Variants in WWC2 observed in about 807,000 individuals in gnomAD.
WWC2 encodes WW and C2 domain containing 2.
WWC2 carries 101 observed loss-of-function variants against 138.5 expected under a neutral mutation model. That is an observed-to-expected ratio of 0.73 (90% CI 0.62 to 0.86). The LOEUF (loss-of-function observed/expected upper bound fraction) is 0.86. WWC2 is among the 40% of genes least tolerant of loss of function. The pLI is 0.00. For missense variants in WWC2, 1,420 were observed against 1,419.4 expected, an observed-to-expected ratio of 1.00 and a Z score of -0.01; for synonymous variants, 558 against 538.4, an observed-to-expected ratio of 1.04 and a Z score of -0.50.
At chr4:183,299,618 A>G (rs1738757813) in intron 21 of WWC2, among the ~76,000 whole-genome samples, 1 of 152,168 alleles carries the variant, frequency 6.6e-6, no homozygotes, top group South Asian at 2.1e-4. Flanking sequence ...ACAGAAACTC[A>G]TGATCACCAC....
intron 1 of WWC2, among the ~76,000 whole-genome samples, chr4:183,188,768 C>T (rs1734896704): frequency 6.6e-6 from 1 of 151,674 alleles, no homozygotes; most frequent in African/African-American, 2.4e-5. Context: ...CCTAAGCCTC[C>T]TGAGTAGCTG....
intron 5 of WWC2, among the ~76,000 whole-genome samples, chr4:183,243,450 A>G (rs2111318257): frequency 6.6e-6 from 1 of 152,312 alleles, no homozygotes. Flanking sequence ...TCCTCAGCCA[A>G]GTTGGTGGAT....
Position 183,253,893 on chromosome 4 carries a change from C to G in WWC2, c.1090C>G (p.Gln364Glu). ...GAAAGAGCTTCAGTTCGTCACCCCA[C>G]AGAAACGTACCCAAGATGAATTAGA... is the stretch of plus-strand genomic sequence containing the variant. ...LLKELQFVTPQKRTQDELERL... is the reference protein window; with the variant it reads ...LLKELQFVTPEKRTQDELERL... The change falls in exon 9 of 23, where the codon CAG becomes GAG. Residue 364 changes from glutamine to glutamate, a missense_variant. Coordinates refer to ENST00000403733, the MANE Select transcript of WWC2 (RefSeq NM_024949.6). The G allele has an allele frequency of 1.2e-6, 2 of 1,613,812 alleles. No individual in the cohort carries two copies. Among genetic ancestry groups the G allele is most frequent in the Non-Finnish European group, 1.7e-6 (2 of 1,179,830 alleles).
chr4:183,214,015 A>G (rs1042429740), intron 4 of WWC2, among the ~76,000 whole-genome samples: 1 of 152,094 alleles, frequency 6.6e-6, no homozygotes, highest in South Asian at 2.1e-4. Flanking sequence ...TTTTTATTAC[A>G]TTTTTACTAT....
intron 21 of WWC2, among the ~76,000 whole-genome samples, chr4:183,293,953 AG>A (rs1208761610): frequency 1.4e-4 from 21 of 152,280 alleles, no homozygotes; most frequent in Non-Finnish European, 2.4e-4. Context: ...CATGTAGAGC[AG>A]GGGTCTGTAA....
chr4:183,249,847 C>T, intron 7 of WWC2, 73 bp from the exon 8 acceptor site: 2 of 1,281,808 alleles, frequency 1.6e-6, no homozygotes, highest in Non-Finnish European at 2.2e-6. Flanking sequence ...CACATACTTC[C>T]CAGAAACAAA....
In WWC2 at chr4:183,285,996, C is replaced by T. The variant is rs149012864; in HGVS notation, c.3078C>T (p.Thr1026=). ...ATCGGAGTGACAGTGACAGTTCAAC[C>T]CTGGCTAAAAAATCACTGTTTGTGA... ...RLNRSDSDSS[T]LAKKSLFVRN... The change falls in exon 20 of 23, where the codon ACC becomes ACT. Residue 1026 remains threonine, a synonymous_variant. Transcript: ENST00000403733. The T allele has an allele frequency of 3.0e-4, 471 of 1,594,988 alleles. No individual in the cohort carries two copies. The highest frequency in any genetic ancestry group is 3.9e-4 in the Non-Finnish European group (452 of 1,169,716).
intron 4 of WWC2, among the ~76,000 whole-genome samples, chr4:183,232,463 A>G (rs1208287825): frequency 6.6e-6 from 1 of 151,844 alleles, no homozygotes; most frequent in African/African-American, 2.4e-5. Flanking sequence ...CTGAACAACC[A>G]CTGTTTCCTG....
chr4:183,184,165 A>G (rs758721729), intron 1 of WWC2, among the ~76,000 whole-genome samples: 24 of 152,170 alleles, frequency 1.6e-4, no homozygotes, highest in Non-Finnish European at 5.9e-5. Flanking sequence ...CCTGGCAACC[A>G]TCAACCTACT....
intron 1 of WWC2, among the ~76,000 whole-genome samples, chr4:183,161,524 C>T (rs1449752010): frequency 2.0e-5 from 3 of 152,100 alleles, no homozygotes; most frequent in South Asian, 2.1e-4. Flanking sequence ...TTGCAGAATT[C>T]GAATTGAACA....
chr4:183,103,181 C>T (rs1309635104), intron 1 of WWC2, among the ~76,000 whole-genome samples: 1 of 150,840 alleles, frequency 6.6e-6, no homozygotes, highest in South Asian at 2.1e-4. Flanking sequence ...CCTGTACCTT[C>T]TAACTGAATA....
chr4:183,103,035 A>G (rs1023976530), intron 1 of WWC2, among the ~76,000 whole-genome samples: 2 of 152,056 alleles, frequency 1.3e-5, no homozygotes, highest in Non-Finnish European at 1.5e-5. Flanking sequence ...CTATCCTTGG[A>G]TTGAATGTTA....
At chr4:183,216,357 G>A (rs1219791390) in intron 4 of WWC2, among the ~76,000 whole-genome samples, 1 of 152,178 alleles carries the variant, frequency 6.6e-6, no homozygotes, top group Non-Finnish European at 1.5e-5. Context: ...GTCGTCAGCT[G>A]GATGACAATT....
In WWC2 at chr4:183,261,450, T is replaced by G; in HGVS notation, c.1827T>G (p.Asp609Glu). 1 of 1,612,510 alleles carries G rather than the reference T, an allele frequency of 6.2e-7. No homozygotes were observed. Reference sequence around the variant, plus strand: ...AAAATCAGATTTTGCTGGATTCTGATTCAGGAGGAGCCTCCCAGTCTCTTT... The same window carrying G: ...AAAATCAGATTTTGCTGGATTCTGAGTCAGGAGGAGCCTCCCAGTCTCTTT... ...LIENQILLDS[D>E]SGGASQSLSE... Residue 609 changes from aspartate (D) to glutamate (E), a missense_variant, in exon 11 of 23, where the codon GAT (aspartate) becomes GAG (glutamate). Coordinates refer to ENST00000403733, the MANE Select transcript of WWC2 (RefSeq NM_024949.6).
intron 1 of WWC2, among the ~76,000 whole-genome samples, chr4:183,184,352 T>TAC (rs1734732513): frequency 6.6e-6 from 1 of 152,220 alleles, no homozygotes; most frequent in Non-Finnish European, 1.5e-5. Flanking sequence ...TTCATGTATA[T>TAC]ACCACAATTT....
intron 1 of WWC2, among the ~76,000 whole-genome samples, chr4:183,144,805 C>G (rs1391497001): frequency 6.6e-6 from 1 of 152,190 alleles, no homozygotes; most frequent in East Asian, 1.9e-4. Context: ...ATACACGTTG[C>G]ATTCTAATTA....
Position 183,254,008 on chromosome 4 carries a change from T to C in WWC2, c.1196+9T>C. On this transcript the variant is annotated intron_variant, in intron 9 of 22. Transcript: ENST00000403733. ...AGAGCTCTGGCCGAGAGGTTTGTTT[T>C]CCTTCTGGAAATAGGGCAGCTTAAC... The C allele has an allele frequency of 6.2e-7, 1 of 1,610,218 alleles. No individual in the cohort carries two copies. The highest frequency in any genetic ancestry group is 8.5e-7 in the Non-Finnish European group (1 of 1,178,362).
intron 1 of WWC2, among the ~76,000 whole-genome samples, chr4:183,132,234 C>G (rs546283495): frequency 6.6e-6 from 1 of 152,118 alleles, no homozygotes; most frequent in South Asian, 2.1e-4. Context: ...GTTTTCCTGC[C>G]ATTCAGTACT....
chr4:183,195,224 A>G (rs1395626275), intron 2 of WWC2, among the ~76,000 whole-genome samples: 1 of 152,232 alleles, frequency 6.6e-6, no homozygotes, highest in African/African-American at 2.4e-5. Context: ...TCTGAAATGT[A>G]TTAACTATTT....
Sources: gnomAD v4.1 joint callset for allele counts (sites outside exome capture counted in the v4.1 genomes callset) on GRCh38, gnomAD v4.1.1 for gene constraint, MANE v1.5 for transcripts, NCBI Gene and HGNC (gene_info 2026-07-23, HGNC 2026-07-21) for gene names.